The following CLMN variants were observed in gnomAD, a reference collection of about 807,000 sequenced individuals.
CLMN encodes the protein calmin.
In CLMN, 57 loss-of-function variants were observed where a neutral mutation model predicts 92.7. The observed-to-expected ratio is 0.61, with a 90% CI of 0.50 to 0.77. The LOEUF (loss-of-function observed/expected upper bound fraction) is 0.77, where lower values mean the gene tolerates loss of function less well. Ranked by LOEUF, CLMN falls within the 30% of genes least tolerant of loss-of-function variation. The pLI is 0.00. For missense variants in CLMN, 1,158 were observed against 1,237.5 expected (o/e 0.94, Z 0.96); for synonymous variants, 466 against 470.6 (o/e 0.99, Z 0.13).
At chr14:95,312,985 C>T (rs1901606875) in intron 1 of CLMN, among the ~76,000 whole-genome samples, 1 of 152,210 alleles carries the variant, frequency 6.6e-6, no homozygotes, top group Non-Finnish European at 1.5e-5. Context: ...GCAGGTGGAT[C>T]ACCTGAGGTC....
chr14:95,287,892 C>T (rs1005425410), intron 1 of CLMN, among the ~76,000 whole-genome samples: 1 of 152,174 alleles, frequency 6.6e-6, no homozygotes, highest in Non-Finnish European at 1.5e-5. Flanking sequence ...ACCAACCCAC[C>T]GTAATTACTG....
chr14:95,232,337 C>T (rs1897916037), intron 1 of CLMN, among the ~76,000 whole-genome samples: 1 of 152,354 alleles, frequency 6.6e-6, no homozygotes, highest in African/African-American at 2.4e-5. Context: ...ATGCCTAAAA[C>T]GATTCCAAAT....
chr14:95,258,996 T>C (rs1422421450), intron 1 of CLMN, among the ~76,000 whole-genome samples: 1 of 150,536 alleles, frequency 6.6e-6, no homozygotes, highest in African/African-American at 2.5e-5. Context: ...GTGGAGAGTG[T>C]GTTTGTATGT....
intron 10 of CLMN, 56 bp downstream of exon 10, chr14:95,196,442 A>G (rs1896713859): frequency 1.3e-6 from 2 of 1,536,530 alleles, no homozygotes; most frequent in Admixed American, 2.0e-5. Flanking sequence ...GAAACTGCAA[A>G]TAACTCTCTA....
intron 1 of CLMN, among the ~76,000 whole-genome samples, chr14:95,274,076 A>G (rs10130446): frequency 0.086 from 13,015 of 152,158 alleles, 694 homozygotes; most frequent in African/African-American, 0.14. Context: ...TGGCTTATCA[A>G]TAGGTTTCCC....
chr14:95,268,733 T>C (rs1899579240), intron 1 of CLMN, among the ~76,000 whole-genome samples: 1 of 151,072 alleles, frequency 6.6e-6, no homozygotes, highest in Non-Finnish European at 1.5e-5. Flanking sequence ...ACTGTAGCTA[T>C]GAAAGAGGTT....
rs1182587291 is a variant in CLMN, at chr14:95,215,809, CTCTCTCTGTGTGTGTG to C, written c.325-92_325-77del. ...CATATGTTATTTTCTGGTTCTCTCT[CTCTCTCTGTGTGTGTG>C]TGTGTGTGTGTGTGTGTGTGTGTGT... On this transcript the variant is annotated intron_variant, in intron 4 of 12. Coordinates refer to ENST00000298912, the MANE Select transcript of CLMN (RefSeq NM_024734.4). The C allele has an allele frequency of 7.6e-5, 71 of 936,952 alleles. No homozygotes were observed. The Admixed American group carries it at 1.4e-3, about 18-fold the overall frequency. The allele number at this position is 936,952 out of a possible 1,614,324, so 58.0% of individuals were successfully genotyped here. A position where few individuals can be genotyped will look rare whatever the true frequency, so the allele number is the denominator to read the frequency against.
chr14:95,300,385 T>C (rs914950513), intron 1 of CLMN, among the ~76,000 whole-genome samples: 3 of 152,176 alleles, frequency 2.0e-5, no homozygotes, highest in African/African-American at 7.2e-5. Flanking sequence ...ATCACAGACC[T>C]TTTGGACTCT....
intron 1 of CLMN, among the ~76,000 whole-genome samples, chr14:95,275,416 T>C (rs7150669): frequency 0.25 from 37,540 of 151,982 alleles, 5,977 homozygotes; most frequent in African/African-American, 0.45. Context: ...CTAATTATAA[T>C]GCATTAGTAT....
rs143305054 is a variant in CLMN at position 95,233,026 on chromosome 14, T to C, written c.83-2893A>G. Among the ~76,000 whole-genome samples, 893 of 152,344 alleles carry C rather than the reference T, an allele frequency of 5.9e-3. 8 individuals carry two copies. The highest frequency in any genetic ancestry group is 0.021 in the African/African-American group (859 of 41,584). On this transcript the variant is annotated intron_variant, in intron 1 of 12. Transcript: ENST00000298912. ...GTGGTAGGCACATTAAAAATTTTAA[T>C]AGCTACTTCCAAATTGCCCTCCCAC...
chr14:95,232,422 G>A (rs550252292), intron 1 of CLMN, among the ~76,000 whole-genome samples: 1 of 152,322 alleles, frequency 6.6e-6, no homozygotes, highest in South Asian at 2.1e-4. Context: ...CTGTAACAAC[G>A]GGACTTTTTT....
chr14:95,248,829 A>G (rs1390516058), intron 1 of CLMN, among the ~76,000 whole-genome samples: 2 of 152,208 alleles, frequency 1.3e-5, no homozygotes, highest in East Asian at 1.9e-4. Context: ...CGTTTTTATC[A>G]TAAGCTTGCC....
intron 1 of CLMN, among the ~76,000 whole-genome samples, chr14:95,282,501 C>T (rs575223757): frequency 6.6e-6 from 1 of 152,280 alleles, no homozygotes; most frequent in South Asian, 2.1e-4. Context: ...TTCAGACAGA[C>T]CATGAGGCAA....
intron 1 of CLMN, among the ~76,000 whole-genome samples, chr14:95,288,913 G>T (rs774777983): frequency 3.9e-5 from 6 of 152,174 alleles, no homozygotes; most frequent in African/African-American, 1.4e-4. Flanking sequence ...TCTGGATCTC[G>T]CCAACTATCA....
intron 1 of CLMN, among the ~76,000 whole-genome samples, chr14:95,235,150 A>G (rs1898011285): frequency 2.0e-5 from 3 of 152,206 alleles, no homozygotes; most frequent in Non-Finnish European, 4.4e-5. Context: ...GAGCAAGCAC[A>G]TGTACTCATG....
At chr14:95,299,684 C>G (rs1245058806) in intron 1 of CLMN, among the ~76,000 whole-genome samples, 2 of 152,170 alleles carry the variant, frequency 1.3e-5, no homozygotes, top group Non-Finnish European at 2.9e-5. Context: ...GCTGTGGGCT[C>G]TAAGCTGTGT....
intron 1 of CLMN, among the ~76,000 whole-genome samples, chr14:95,305,874 G>A (rs556043262): frequency 6.6e-6 from 1 of 152,362 alleles, no homozygotes; most frequent in East Asian, 1.9e-4. Flanking sequence ...CAGGCAGACA[G>A]TGGAGCAAGG....
intron 8 of CLMN, among the ~76,000 whole-genome samples, chr14:95,205,583 C>T (rs769277952): frequency 1.3e-5 from 2 of 151,684 alleles, no homozygotes; most frequent in Non-Finnish European, 2.9e-5. Flanking sequence ...CTATTTAAAG[C>T]AAAAATAACA....
intron 1 of CLMN, among the ~76,000 whole-genome samples, chr14:95,279,095 A>C (rs1160597631): frequency 6.6e-6 from 1 of 152,216 alleles, no homozygotes; most frequent in African/African-American, 2.4e-5. Context: ...GTTTATATAA[A>C]AGAGCTCTAC....
Sources: allele counts gnomAD v4.1 joint callset (sites outside exome capture counted in the v4.1 genomes callset), GRCh38; gene constraint gnomAD v4.1.1; transcripts MANE v1.5; gene names NCBI Gene and HGNC (gene_info 2026-07-23, HGNC 2026-07-21).